Variants in CNTNAP2 observed in about 807,000 individuals in gnomAD.
CNTNAP2 encodes the protein contactin associated protein 2, also known as contactin-associated protein-like 2.
A neutral mutation model predicts 155.2 loss-of-function variants in CNTNAP2; 98 were observed. The ratio of observed to expected loss-of-function variants is 0.63; its 90% CI spans 0.54 to 0.75. The LOEUF (loss-of-function observed/expected upper bound fraction) is 0.75. CNTNAP2 is among the 30% of genes least tolerant of loss of function. The probability of loss-of-function intolerance (pLI) is 0.00; values close to 1 mark genes in which losing one functional copy is unlikely to be tolerated. For missense variants in CNTNAP2, 1,727 were observed against 1,688.1 expected, an observed-to-expected ratio of 1.02 and a Z score of -0.40; for synonymous variants, 651 against 631.2, an observed-to-expected ratio of 1.03 and a Z score of -0.47.
chr7:146,622,983 GAAAA>G (rs35834750), intron 1 of CNTNAP2, among the ~76,000 whole-genome samples: 1 of 140,694 alleles, frequency 7.1e-6, no homozygotes, highest in Non-Finnish European at 1.5e-5. Context: ...AAAGAAAAAA[GAAAA>G]AAAAAAACCT....
chr7:148,071,760 G>A (rs1169662161), intron 15 of CNTNAP2, among the ~76,000 whole-genome samples: 2 of 152,172 alleles, frequency 1.3e-5, no homozygotes, highest in African/African-American at 4.8e-5. Flanking sequence ...AAACTCCTCT[G>A]CAATCTCTAC....
intron 1 of CNTNAP2, among the ~76,000 whole-genome samples, chr7:146,465,751 A>G (rs951083712): frequency 3.9e-5 from 6 of 152,154 alleles, no homozygotes; most frequent in Non-Finnish European, 8.8e-5. Context: ...ATAGGTTATT[A>G]TAGGAAACAT....
At chr7:147,598,499 A>G (rs1373217427) in intron 12 of CNTNAP2, among the ~76,000 whole-genome samples, 2 of 152,142 alleles carry the variant, frequency 1.3e-5, no homozygotes, top group Non-Finnish European at 2.9e-5. Flanking sequence ...ATGTCCCTGC[A>G]AAGGACATGA....
Position 146,608,645 on chromosome 7 carries a change from T to A in CNTNAP2, c.98-165626T>A, listed in dbSNP as rs573797111. Among the ~76,000 whole-genome samples the A allele has an allele frequency of 7.9e-5, 12 of 152,318 alleles. 1 individual carries two copies. In the South Asian group the frequency reaches 2.5e-3, roughly 32 times the overall value. ...ATTGATGTAAGTATAAAGAATTGTC[T>A]TTTTGTGCTACTAAAATTTCCACTA... On this transcript the variant is annotated intron_variant, in intron 1 of 23. Coordinates refer to ENST00000361727, the MANE Select transcript of CNTNAP2 (RefSeq NM_014141.6).
chr7:146,371,968 A>C (rs557985233), intron 1 of CNTNAP2, among the ~76,000 whole-genome samples: 4 of 152,030 alleles, frequency 2.6e-5, no homozygotes, highest in Non-Finnish European at 4.4e-5. Flanking sequence ...CAAAAAAAAA[A>C]AAAGAAAAAA....
At chr7:146,822,866 A>G (rs1803317287) in intron 2 of CNTNAP2, among the ~76,000 whole-genome samples, 1 of 149,618 alleles carries the variant, frequency 6.7e-6, no homozygotes, top group African/African-American at 2.4e-5. Flanking sequence ...TTTAAATGTA[A>G]ATATACTCAT....
intron 2 of CNTNAP2, among the ~76,000 whole-genome samples, chr7:146,789,854 A>G (rs1802639546): frequency 6.6e-6 from 1 of 150,920 alleles, no homozygotes; most frequent in South Asian, 2.1e-4. Flanking sequence ...GAATAACAGG[A>G]GTAAACCTCA....
intron 17 of CNTNAP2, among the ~76,000 whole-genome samples, chr7:148,168,938 C>T (rs1027037777): frequency 3.3e-5 from 5 of 152,106 alleles, no homozygotes; most frequent in African/African-American, 9.7e-5. Context: ...TCTTTATAAG[C>T]CTCTGACCAA....
intron 1 of CNTNAP2, among the ~76,000 whole-genome samples, chr7:146,611,601 A>G (rs562751638): frequency 1.6e-4 from 25 of 152,328 alleles, no homozygotes; most frequent in Non-Finnish European, 2.9e-4. Context: ...AGGAATCTTA[A>G]GAGACTGTAT....
intron 21 of CNTNAP2, among the ~76,000 whole-genome samples, chr7:148,320,717 C>G (rs558008178): frequency 1.3e-5 from 2 of 152,228 alleles, no homozygotes; most frequent in East Asian, 3.9e-4. Flanking sequence ...CTATTCCACC[C>G]CACCTGTGCT....
At chr7:148,327,888 A>G (rs1304219919) in intron 21 of CNTNAP2, among the ~76,000 whole-genome samples, 1 of 151,694 alleles carries the variant, frequency 6.6e-6, no homozygotes, top group African/African-American at 2.4e-5. Flanking sequence ...TCATCTCCAC[A>G]CTGGATCCAC....
At position 146,774,337 on chromosome 7, in the gene CNTNAP2, C is replaced by T. The variant is rs767790084; in HGVS notation, c.164C>T (p.Ser55Phe). The T allele has an allele frequency of 3.1e-6, 5 of 1,614,036 alleles. No homozygotes were observed. The highest frequency in any genetic ancestry group is 1.6e-4 in the Middle Eastern group (1 of 6,062). Residue 55 changes from serine (S) to phenylalanine (F), a missense_variant, in exon 2 of 24, where the codon TCT becomes TTT. Transcript: ENST00000361727. ...HVAFSSSSSI[S>F]GSYSPGYAKI... ...GCTTTCAGCAGCTCCTCCTCCATCT[C>T]TGGTAGCTATTCTCCCGGCTATGCC... is the stretch of plus-strand genomic sequence containing the variant.
chr7:147,469,411 A>G (rs868713543), intron 10 of CNTNAP2, among the ~76,000 whole-genome samples: 48 of 151,698 alleles, frequency 3.2e-4, no homozygotes, highest in African/African-American at 1.1e-3. Flanking sequence ...CAGGCACTGT[A>G]TGCCAGTGAA....
At chr7:147,699,974 T>C (rs1796212038) in intron 13 of CNTNAP2, among the ~76,000 whole-genome samples, 1 of 152,200 alleles carries the variant, frequency 6.6e-6, no homozygotes, top group Non-Finnish European at 1.5e-5. Context: ...CTTAGCATAA[T>C]GTTTTTGAGG....
At chr7:147,218,138 T>G (rs1450863913) in intron 8 of CNTNAP2, among the ~76,000 whole-genome samples, 1 of 151,902 alleles carries the variant, frequency 6.6e-6, no homozygotes, top group Non-Finnish European at 1.5e-5. Context: ...TCAATTGCAT[T>G]GGTTTCTTCT....
intron 15 of CNTNAP2, among the ~76,000 whole-genome samples, chr7:148,001,836 T>A (rs1049022662): frequency 6.6e-5 from 10 of 152,202 alleles, no homozygotes; most frequent in African/African-American, 2.2e-4. Flanking sequence ...TTTTTCAGGT[T>A]GGTACTTTTT....
At chr7:146,409,288 T>C (rs1302271995) in intron 1 of CNTNAP2, among the ~76,000 whole-genome samples, 1 of 152,192 alleles carries the variant, frequency 6.6e-6, no homozygotes, top group East Asian at 1.9e-4. Context: ...TAATTTATGA[T>C]TTAAAAACCA....
intron 3 of CNTNAP2, among the ~76,000 whole-genome samples, chr7:146,848,990 A>G (rs1357149965): frequency 2.6e-5 from 4 of 152,124 alleles, no homozygotes; most frequent in East Asian, 1.9e-4. Flanking sequence ...CATGTTGGCC[A>G]GGCTGGCCTT....
At chr7:148,123,593 C>T (rs1049172933) in intron 16 of CNTNAP2, among the ~76,000 whole-genome samples, 4 of 142,084 alleles carry the variant, frequency 2.8e-5, no homozygotes, top group African/African-American at 5.3e-5. Context: ...AGCGAGACCT[C>T]GAGGAAGGGA....
Sources: gnomAD v4.1 joint callset for allele counts (sites outside exome capture counted in the v4.1 genomes callset) on GRCh38, gnomAD v4.1.1 for gene constraint, MANE v1.5 for transcripts, NCBI Gene and HGNC (gene_info 2026-07-23, HGNC 2026-07-21) for gene names.